Variants in HIVEP3 observed in about 807,000 individuals in gnomAD.
The protein encoded by HIVEP3 is HIVEP zinc finger 3, also known as transcription factor HIVEP3.
HIVEP3 carries 49 observed loss-of-function variants against 152.8 expected under a neutral mutation model. That is an observed-to-expected ratio of 0.32 (90% CI 0.26 to 0.41). The LOEUF is 0.41. Among genes scored for constraint, HIVEP3 ranks in the 10% least tolerant of loss-of-function variants. The pLI is 1.00. For missense variants in HIVEP3, 2,790 were observed against 3,103.3 expected (o/e 0.90, Z 2.40); for synonymous variants, 1,269 against 1,289.0 (o/e 0.98, Z 0.33).
At chr1:41,936,904 C>T (rs1231115247) in intron 1 of HIVEP3, among the ~76,000 whole-genome samples, 1 of 152,164 alleles carries the variant, frequency 6.6e-6, no homozygotes, top group East Asian at 1.9e-4. Context: ...CTAGGAAAAC[C>T]ATTTGGTCAC....
At chr1:41,637,215 C>T (rs1259113043) in intron 2 of HIVEP3, among the ~76,000 whole-genome samples, 3 of 152,160 alleles carry the variant, frequency 2.0e-5, no homozygotes, top group Non-Finnish European at 1.5e-5. Context: ...ACCACTGTAG[C>T]ACTATTTTAA....
chr1:41,844,399 CA>C (rs1374359197), intron 1 of HIVEP3, among the ~76,000 whole-genome samples: 1 of 152,182 alleles, frequency 6.6e-6, no homozygotes, highest in Non-Finnish European at 1.5e-5. Flanking sequence ...GAGGGAGACA[CA>C]AGTAGCAACA....
At chr1:42,030,099 C>T (rs1645605018) in intron 1 of HIVEP3, among the ~76,000 whole-genome samples, 2 of 152,172 alleles carry the variant, frequency 1.3e-5, no homozygotes, top group African/African-American at 4.8e-5. Context: ...GTGAAGAAGC[C>T]ATCAGGTCAG....
chr1:41,585,518 C>T (rs529514860), intron 3 of HIVEP3, among the ~76,000 whole-genome samples, 200 bp from the exon 4 acceptor site: 3 of 152,126 alleles, frequency 2.0e-5, no homozygotes, highest in East Asian at 1.9e-4. Flanking sequence ...TTTCCTCCCC[C>T]GCTCCCATGT....
intron 5 of HIVEP3, among the ~76,000 whole-genome samples, chr1:41,532,323 T>C (rs1194943473): frequency 6.7e-6 from 1 of 148,574 alleles, no homozygotes; most frequent in African/African-American, 2.5e-5. Flanking sequence ...ACAGAAGAGA[T>C]GGAGGACAGG....
intron 2 of HIVEP3, among the ~76,000 whole-genome samples, chr1:41,652,121 A>T (rs12130138): frequency 3.3e-5 from 5 of 152,086 alleles, no homozygotes; most frequent in East Asian, 1.9e-4. Context: ...GGAGGCTCAG[A>T]GATGTCAAGT....
At position 41,508,451 on chromosome 1, in the gene HIVEP3, A is replaced by G. The variant is rs1644406270; in HGVS notation, c.*2000T>C. ...TGCTGCTTCTCTTGGGGAGGATGAG[A>G]GCCCTAGTCTCTGAGGGAAGCAGCC... On this transcript the variant is annotated 3_prime_UTR_variant, in exon 9 of 9. Coordinates refer to ENST00000372583, the MANE Select transcript of HIVEP3 (RefSeq NM_024503.5). 1 of 152,134 alleles carries G rather than the reference A, an allele frequency of 6.6e-6. No individual in the cohort carries two copies. The highest frequency in any genetic ancestry group is 1.5e-5 in the Non-Finnish European group (1 of 68,050). 9.4% of individuals were successfully genotyped at this position (152,134 alleles called of 1,614,324 possible).
chr1:41,878,425 A>G (rs1644205330), intron 1 of HIVEP3, among the ~76,000 whole-genome samples: 1 of 152,238 alleles, frequency 6.6e-6, no homozygotes, highest in South Asian at 2.1e-4. Flanking sequence ...CAATCATTTC[A>G]CAAGAAAAAA....
chr1:41,837,091 G>A (rs145045933), intron 1 of HIVEP3, among the ~76,000 whole-genome samples: 259 of 152,052 alleles, frequency 1.7e-3, no homozygotes, highest in African/African-American at 5.3e-3. Flanking sequence ...AATAATTCCC[G>A]CCCAATGGCC....
At chr1:41,523,361 C>T (rs1326291285) in intron 6 of HIVEP3, among the ~76,000 whole-genome samples, 1 of 152,080 alleles carries the variant, frequency 6.6e-6, no homozygotes, top group Non-Finnish European at 1.5e-5. Flanking sequence ...TATGAGACAC[C>T]AAGAGAGAAG....
intron 5 of HIVEP3, among the ~76,000 whole-genome samples, chr1:41,538,986 C>T (rs1643466311): frequency 6.6e-6 from 1 of 152,212 alleles, no homozygotes. Context: ...CCCCCACCCA[C>T]AGCAGCTCTG....
intron 2 of HIVEP3, among the ~76,000 whole-genome samples, chr1:41,693,645 G>T (rs1052827247): frequency 6.6e-6 from 1 of 152,162 alleles, no homozygotes; most frequent in African/African-American, 2.4e-5. Flanking sequence ...TGGGGTGTTT[G>T]CCCATAGGGT....
intron 2 of HIVEP3, among the ~76,000 whole-genome samples, chr1:41,651,275 G>C (rs1570225109): frequency 6.6e-6 from 1 of 152,108 alleles, no homozygotes; most frequent in African/African-American, 2.4e-5. Context: ...GCTGGGCATG[G>C]TGGCACACGC....
rs2483689 is a variant in HIVEP3 at position 41,513,154 on chromosome 1, C to G, written c.6067G>C (p.Ala2023Pro). The G allele has an allele frequency of 1, 1,612,301 of 1,613,950 alleles. 805,345 individuals are homozygous for G. The highest frequency in any genetic ancestry group is 1 in the East Asian group (44,874 of 44,874). ...LHVDPGRGMGALPCGSPRLQL... is the reference protein window; with the variant it reads ...LHVDPGRGMGPLPCGSPRLQL... ...AGTCTTGGAGACCCACAAGGGAGAG[C>G]GCCCATGCCCCTTCCTGGGTCCACG... The change falls in exon 8 of 9, where the codon GCT becomes CCT. Residue 2023 changes from alanine to proline, a missense_variant. By Grantham distance (27) the Ala-to-Pro change is conservative (BLOSUM62 -1). This residue lies in a region of HIVEP3 where 816 missense variants were observed against 806.5 expected (regional missense o/e 1.01). Transcript: ENST00000372583.
At chr1:41,647,164 C>T (rs900787519) in intron 2 of HIVEP3, among the ~76,000 whole-genome samples, 1 of 152,228 alleles carries the variant, frequency 6.6e-6, no homozygotes, top group Non-Finnish European at 1.5e-5. Context: ...CTGCTACCTT[C>T]CCTCCCCTTT....
At chr1:41,942,623 T>C (rs777477518) in intron 1 of HIVEP3, among the ~76,000 whole-genome samples, 13 of 152,212 alleles carry the variant, frequency 8.5e-5, no homozygotes, top group Non-Finnish European at 1.9e-4. Flanking sequence ...ACACTAGCAA[T>C]ATGTAAAATG....
chr1:41,665,369 C>A (rs1473270014), intron 2 of HIVEP3, among the ~76,000 whole-genome samples: 1 of 152,134 alleles, frequency 6.6e-6, no homozygotes, highest in Admixed American at 6.5e-5. Context: ...TCAGCCCCAT[C>A]CCCTGCAAGT....
At chr1:41,853,453 C>T (rs1181727340) in intron 1 of HIVEP3, among the ~76,000 whole-genome samples, 2 of 152,094 alleles carry the variant, frequency 1.3e-5, no homozygotes, top group African/African-American at 4.8e-5. Flanking sequence ...GGAGGAACTA[C>T]CAAACAATTA....
intron 1 of HIVEP3, among the ~76,000 whole-genome samples, chr1:41,926,152 T>C (rs548654395): frequency 6.6e-6 from 1 of 152,288 alleles, no homozygotes; most frequent in East Asian, 1.9e-4. Context: ...GTTTAGCTTA[T>C]TGAAGTCATT....
Sources: gnomAD v4.1 joint callset for allele counts (sites outside exome capture counted in the v4.1 genomes callset) on GRCh38, gnomAD v4.1.1 for gene constraint, gnomAD v4.1.1 regional missense constraint, MANE v1.5 for transcripts, NCBI Gene and HGNC (gene_info 2026-07-23, HGNC 2026-07-21) for gene names.